Variants in SLC25A33 observed in about 807,000 individuals in gnomAD.
The protein encoded by SLC25A33 is bone marrow stromal cell mitochondrial carrier protein.
In SLC25A33, 15 loss-of-function variants were observed where a neutral mutation model predicts 35.5. That is an observed-to-expected ratio of 0.42 (90% CI 0.28 to 0.65). SLC25A33 has a LOEUF of 0.65. Among genes scored for constraint, SLC25A33 ranks in the 30% least tolerant of loss-of-function variants. The pLI, the probability that SLC25A33 is intolerant of heterozygous loss-of-function variation, is 0.20. For missense variants in SLC25A33, 257 were observed against 398.5 expected (o/e 0.64, Z 3.02); for synonymous variants, 136 against 148.7 (o/e 0.91, Z 0.62).
intron 1 of SLC25A33, among the ~76,000 whole-genome samples, chr1:9,546,867 C>T (rs1419899887): frequency 6.6e-6 from 1 of 152,100 alleles, no homozygotes; most frequent in African/African-American, 2.4e-5. Context: ...CCTCCAGTAA[C>T]CTGCTTCATT....
chr1:9,557,095 G>A (rs927760566), intron 2 of SLC25A33, among the ~76,000 whole-genome samples: 5 of 152,160 alleles, frequency 3.3e-5, no homozygotes, highest in Middle Eastern at 3.4e-3. Context: ...TACCACGCCC[G>A]GCTAATTTTG....
chr1:9,564,378 A>C (rs541801833), intron 2 of SLC25A33, among the ~76,000 whole-genome samples: 1 of 152,292 alleles, frequency 6.6e-6, no homozygotes, highest in East Asian at 1.9e-4. Context: ...TTCTCAAAAA[A>C]TTAGGCATAG....
At chr1:9,553,207 T>TG (rs2100379915) in intron 1 of SLC25A33, among the ~76,000 whole-genome samples, 6 of 96,726 alleles carry the variant, frequency 6.2e-5, no homozygotes, top group South Asian at 3.3e-4. Context: ...AGTTTTGTTT[T>TG]TTTTTTTTTT....
rs1557526507 is a variant in SLC25A33, at chr1:9,553,226, TTGGG to T, written c.57-398_57-395del. 1.9e-4 allele frequency among the ~76,000 whole-genome samples: 17 copies of T among 87,608 alleles called. No homozygotes were observed. The South Asian group carries it at 3.5e-3, about 18-fold the overall frequency. 57.5% of individuals were successfully genotyped at this position (87,608 alleles called of 152,430 possible). A position where few individuals can be genotyped will look rare whatever the true frequency, so the allele number is the denominator to read the frequency against. ...TTGTTTTTTTTTTTTTTTTTTTTTT[TTGGG>T]TTTTTTTTTTGTTTGAGACGGAGTC... is the stretch of plus-strand genomic sequence containing the variant. On this transcript the variant is annotated intron_variant, in intron 1 of 6. Coordinates refer to ENST00000302692, the MANE Select transcript of SLC25A33 (RefSeq NM_032315.3).
In SLC25A33 at chr1:9,580,180, A is replaced by G. The variant is rs1408079122; in HGVS notation, c.709A>G (p.Met237Val). The G allele has an allele frequency of 4.3e-6, 7 of 1,609,674 alleles. No individual in the cohort carries two copies. Among genetic ancestry groups the G allele is most frequent in the Non-Finnish European group, 5.1e-6 (6 of 1,178,484 alleles). ...AAATTCCACAAGTTTTTTTGGACTTATGGCAGCTGCTGCTCTTTCTAAGGG... is the reference window on the plus strand; with the variant it reads ...AAATTCCACAAGTTTTTTTGGACTTGTGGCAGCTGCTGCTCTTTCTAAGGG... The part of the protein sequence containing the change: ...EKNSTSFFGL[M>V]AAAALSKGCA... Residue 237 changes from methionine (M) to valine (V), a missense_variant, in exon 6 of 7, where the codon ATG becomes GTG. Physicochemically the swap from Met to Val is conservative, Grantham distance 21. Transcript: ENST00000302692.
intron 1 of SLC25A33, among the ~76,000 whole-genome samples, chr1:9,545,752 G>C (rs953446388): frequency 6.7e-6 from 1 of 149,880 alleles, no homozygotes; most frequent in Non-Finnish European, 1.5e-5. Context: ...TTGAGGTCAG[G>C]AGTTCAAGAC....
In SLC25A33 at chr1:9,582,482, T is replaced by C. The variant is rs1405868219; in HGVS notation, c.947T>C (p.Leu316Ser). ...ACTTATGAGTTAATTGTGTACCTGT[T>C]AGAAGACCGTACTCAGTAACAGGCC... ...LSTYELIVYL[L>S]EDRTQ The change falls in exon 7 of 7, where the codon TTA becomes TCA. Residue 316 changes from leucine to serine, a missense_variant. Physicochemically the swap from Leu to Ser is moderately radical, Grantham distance 145 (BLOSUM62 -2). Coordinates refer to ENST00000302692, the MANE Select transcript of SLC25A33 (RefSeq NM_032315.3). This position sits in a 1 kb window ranked among gnomAD's most constrained non-coding sequence, Gnocchi z 4.0. 1.2e-5 allele frequency: 20 copies of C among 1,613,242 alleles called. No individual in the cohort carries two copies. The highest frequency in any genetic ancestry group is 1.5e-5 in the Non-Finnish European group (18 of 1,179,514).
intron 2 of SLC25A33, among the ~76,000 whole-genome samples, chr1:9,562,177 A>G (rs1352057730): frequency 6.6e-6 from 1 of 151,798 alleles, no homozygotes; most frequent in African/African-American, 2.4e-5. Flanking sequence ...GTGAAACCCC[A>G]TCTCTACTAA....
In SLC25A33 at chr1:9,580,198, T is replaced by C. The variant is rs1462978261; in HGVS notation, c.727T>C (p.Ser243Pro). The change falls in exon 6 of 7, where the codon TCT (serine) becomes CCT (proline). Residue 243 changes from serine to proline, a missense_variant. Coordinates refer to ENST00000302692, the MANE Select transcript of SLC25A33 (RefSeq NM_032315.3). ...TGGACTTATGGCAGCTGCTGCTCTTTCTAAGGGCTGTGCCTCCTGCATTGC... is the reference window on the plus strand; with the variant it reads ...TGGACTTATGGCAGCTGCTGCTCTTCCTAAGGGCTGTGCCTCCTGCATTGC... Reference protein sequence around the residue: ...FFGLMAAAALSKGCASCIAYP... With the variant: ...FFGLMAAAALPKGCASCIAYP... The C allele has an allele frequency of 2.5e-6, 4 of 1,610,372 alleles. No individual in the cohort carries two copies. Among genetic ancestry groups the C allele is most frequent in the East Asian group, 2.2e-5 (1 of 44,884 alleles).
intron 2 of SLC25A33, among the ~76,000 whole-genome samples, chr1:9,563,882 C>G (rs1315692925): frequency 6.6e-6 from 1 of 151,948 alleles, no homozygotes; most frequent in Admixed American, 6.6e-5. Flanking sequence ...TGGTCTTGAA[C>G]CCCTGACCTC....
chr1:9,550,663 TATTA>T lies in SLC25A33; in HGVS notation c.57-2942_57-2939del, dbSNP rs751160955. ...TTTTTACGTCTATCATTTTTATTTTTATTAATTAATTAATTAATTAATTATTGAG... is the reference window on the plus strand; with the variant it reads ...TTTTTACGTCTATCATTTTTATTTTTATTAATTAATTAATTAATTATTGAG... On this transcript the variant is annotated intron_variant, in intron 1 of 6. Transcript: ENST00000302692. 4.4e-3 allele frequency among the ~76,000 whole-genome samples: 663 copies of T among 152,108 alleles called. 6 individuals carry two copies. Among genetic ancestry groups the T allele is most frequent in the African/African-American group, 0.015 (624 of 41,462 alleles).
At chr1:9,553,230 G>GTTTT (rs1340250968) in intron 1 of SLC25A33, among the ~76,000 whole-genome samples, 1,476 of 91,072 alleles carry the variant, frequency 0.016, no homozygotes, top group Non-Finnish European at 0.019. Context: ...TTTTTTTTGG[G>GTTTT]TTTTTTTTTT....
intron 1 of SLC25A33, among the ~76,000 whole-genome samples, chr1:9,550,011 A>ATATATATATATATATT (rs754618497): frequency 2.0e-5 from 1 of 48,866 alleles, no homozygotes; most frequent in African/African-American, 7.8e-5. Context: ...ATATATATAT[A>ATATATATATATATATT]TTTTTTTTTT....
chr1:9,564,486 T>G (rs1342937222), intron 2 of SLC25A33, among the ~76,000 whole-genome samples: 1 of 152,012 alleles, frequency 6.6e-6, no homozygotes, highest in Non-Finnish European at 1.5e-5. Context: ...ATAGCAGCAC[T>G]ACATATAATA....
At chr1:9,548,319 C>T (rs1001575559) in intron 1 of SLC25A33, among the ~76,000 whole-genome samples, 4 of 152,226 alleles carry the variant, frequency 2.6e-5, no homozygotes, top group Admixed American at 6.5e-5. Flanking sequence ...CGGTGGCTCA[C>T]GCCTATAATC....
intron 2 of SLC25A33, among the ~76,000 whole-genome samples, chr1:9,560,676 GAAA>G (rs1255918315): frequency 6.6e-6 from 1 of 150,680 alleles, no homozygotes; most frequent in Admixed American, 6.6e-5. Flanking sequence ...AAAATTCAGA[GAAA>G]AAAATATTCT....
chr1:9,545,458 C>T (rs1031003797), intron 1 of SLC25A33, among the ~76,000 whole-genome samples: 12 of 151,958 alleles, frequency 7.9e-5, no homozygotes, highest in Non-Finnish European at 1.6e-4. Flanking sequence ...AGTGCAGTGG[C>T]GAGATCTTGG....
chr1:9,559,901 T>C (rs1225382203), intron 2 of SLC25A33, among the ~76,000 whole-genome samples: 3 of 152,306 alleles, frequency 2.0e-5, no homozygotes, highest in Admixed American at 6.5e-5. Flanking sequence ...TTTTGTCTTA[T>C]CTACAAAGCC....
At chr1:9,580,893 A>C (rs1044505663) in intron 6 of SLC25A33, among the ~76,000 whole-genome samples, 28 of 148,710 alleles carry the variant, frequency 1.9e-4, no homozygotes, top group South Asian at 4.2e-4. Context: ...TAATAATAAT[A>C]ATCATTCAGC....
Sources: allele counts gnomAD v4.1 joint callset (sites outside exome capture counted in the v4.1 genomes callset), GRCh38; gene constraint gnomAD v4.1.1; non-coding constraint Gnocchi (gnomAD v3.1); transcripts MANE v1.5; gene names NCBI Gene and HGNC (gene_info 2026-07-23, HGNC 2026-07-21).